RPL29: variants seen among roughly 807,000 people sequenced by gnomAD.
RPL29 encodes large ribosomal subunit protein eL29.
Under a neutral mutation model 7.2 loss-of-function variants are expected in RPL29, and 4 were observed. That is an observed-to-expected ratio of 0.55 (90% CI 0.27 to 1.26). The LOEUF is 1.26. Among genes scored for constraint, RPL29 ranks in the 50% most tolerant of loss-of-function variants. The pLI, the probability that RPL29 is intolerant of heterozygous loss-of-function variation, is 0.11. For synonymous variants in RPL29, 73 were observed against 72.8 expected (o/e 1.00, Z -0.01); for missense variants, 148 against 209.1 (o/e 0.71, Z 1.80).
intron 1 of RPL29, 87 bp from the exon 2 acceptor site, chr3:51,995,556 A>G: frequency 7.6e-7 from 1 of 1,320,116 alleles, no homozygotes; most frequent in Non-Finnish European, 1.1e-6. Flanking sequence ...ATGAGCCTGC[A>G]GGCAGAGAAT....
intron 1 of RPL29, 69 bp from the exon 2 acceptor site, chr3:51,995,538 T>A (rs1701303184): frequency 6.2e-6 from 9 of 1,453,898 alleles, no homozygotes; most frequent in African/African-American, 1.4e-5. Flanking sequence ...CCCCCCATTC[T>A]GGTCAGAATG....
chr3:51,995,392 G>T (rs553663601), intron 2 of RPL29, 33 bp downstream of exon 2: 1 of 1,613,210 alleles, frequency 6.2e-7, no homozygotes, highest in East Asian at 2.2e-5. Flanking sequence ...CCTTGCCAGG[G>T]TCTGGGATGT....
rs139597551 is a variant in RPL29, at chr3:51,993,870, C to T, written c.359G>A (p.Arg120Gln). The change falls in exon 4 of 4, where the codon CGG becomes CAG. Residue 120 changes from arginine to glutamine, a missense_variant. Physicochemically the swap from Arg to Gln is conservative, Grantham distance 43. Coordinates refer to ENST00000294189, the MANE Select transcript of RPL29 (RefSeq NM_000992.3). ...CTTGGCCTTGGCCTTGGCCTTTGGC[C>T]GGCACAGCCTGAGCCCCTTGGCAAT... Reference protein sequence around the residue: ...ARIAKGLRLCRPKAKAKAKAK... With the variant: ...ARIAKGLRLCQPKAKAKAKAK... 73 of 1,486,056 alleles carry T rather than the reference C, an allele frequency of 4.9e-5. No homozygotes were observed. Among genetic ancestry groups the T allele is most frequent in the Middle Eastern group, 2.3e-4 (1 of 4,308 alleles). The allele number at this position is 1,486,056 out of a possible 1,614,324, so 92.1% of individuals were successfully genotyped here. A position where few individuals can be genotyped will look rare whatever the true frequency, so the allele number is the denominator to read the frequency against.
At chr3:51,995,393 T>A in intron 2 of RPL29, 32 bp downstream of exon 2, 5 of 1,613,136 alleles carry the variant, frequency 3.1e-6, no homozygotes, top group Non-Finnish European at 4.2e-6. Context: ...CTTGCCAGGG[T>A]CTGGGATGTA....
chr3:51,995,742 C>T, intron 1 of RPL29, 115 bp downstream of exon 1: 1 of 456,720 alleles, frequency 2.2e-6, no homozygotes, highest in Non-Finnish European at 4.0e-6. Flanking sequence ...ATTCCCACCC[C>T]GCAGCTTTTG....
chr3:51,994,306 A>G (rs1701288030), intron 3 of RPL29, 180 bp from the exon 4 acceptor site: 1 of 739,680 alleles, frequency 1.4e-6, no homozygotes, highest in Non-Finnish European at 2.1e-6. Context: ...GGGAGCCAAT[A>G]CGCCACCTGG....
Position 51,994,036 on chromosome 3 carries a change from T to C in RPL29, c.193A>G (p.Met65Val), listed in dbSNP as rs753329370. 5.6e-6 allele frequency: 9 copies of C among 1,600,246 alleles called. No individual in the cohort carries two copies. The South Asian group carries it at 6.6e-5, about 12-fold the overall frequency. Residue 65 changes from methionine (M) to valine (V), a missense_variant, in exon 4 of 4, where the codon ATG becomes GTG. Coordinates refer to ENST00000294189, the MANE Select transcript of RPL29 (RefSeq NM_000992.3). ...TTGATAGCCTCGGCACGTGCACTCATGGCCTTGGCATTGTTGGCCTGCATC... is the reference window on the plus strand; with the variant it reads ...TTGATAGCCTCGGCACGTGCACTCACGGCCTTGGCATTGTTGGCCTGCATC... Reference protein sequence around the residue: ...KKMQANNAKAMSARAEAIKAL... With the variant: ...KKMQANNAKAVSARAEAIKAL...
rs761936768 is a variant in RPL29 at position 51,993,764 on chromosome 3, T to C, written c.465A>G (p.Thr155=). 2.1e-5 allele frequency: 33 copies of C among 1,593,252 alleles called. No individual in the cohort carries two copies. The highest frequency in any genetic ancestry group is 5.0e-5 in the Admixed American group (3 of 59,640). Residue 155 remains threonine, a synonymous_variant, in exon 4 of 4, where the codon ACA becomes ACG. Transcript: ENST00000294189. ...AQAPKRTQAP[T]KASE ...GCAGAGATATCTACTCTGAAGCCTT[T>C]GTAGGGGCCTGGGTACGTTTGGGAG... is the stretch of plus-strand genomic sequence containing the variant.
At chr3:51,994,413 T>G (rs537857030) in intron 3 of RPL29, 18 of 398,676 alleles carry the variant, frequency 4.5e-5, no homozygotes, top group Middle Eastern at 6.8e-4. Context: ...ACAGCAGGGG[T>G]TCGACCAAGT....
Position 51,995,413 on chromosome 3 carries a change from C to CA in RPL29, c.37+11dup, listed in dbSNP as rs1559785419. The CA allele has an allele frequency of 6.2e-7, 1 of 1,614,142 alleles. No individual in the cohort carries two copies. The highest frequency in any genetic ancestry group is 1.1e-5 in the South Asian group (1 of 91,088). ...CAGGGTCTGGGATGTAGGCAGGGCC[C>CA]AAAAAACTTACACTGGTTGTGTGTG... On this transcript the variant is annotated intron_variant, in intron 2 of 3. Transcript: ENST00000294189.
At chr3:51,995,305 C>G in intron 2 of RPL29, 120 bp downstream of exon 2, 1 of 1,182,202 alleles carries the variant, frequency 8.5e-7, no homozygotes, top group Non-Finnish European at 1.3e-6. Flanking sequence ...AAAGTTATTA[C>G]TGGGTGAAAT....
chr3:51,994,647 T>C (rs781200070), intron 3 of RPL29: 27 of 556,400 alleles, frequency 4.9e-5, no homozygotes, highest in Non-Finnish European at 7.7e-5. Context: ...TCTCAGCTAA[T>C]CCTTAGAACC....
In RPL29 at chr3:51,993,936, T is replaced by C; in HGVS notation, c.293A>G (p.Tyr98Cys). Residue 98 changes from tyrosine (Y) to cysteine (C), a missense_variant, in exon 4 of 4, where the codon TAC becomes TGC. By Grantham distance (194) the Tyr-to-Cys change is radical. Coordinates refer to ENST00000294189, the MANE Select transcript of RPL29 (RefSeq NM_000992.3). ...CTTCCCAAGCTTGGGGTGGGCAATG[T>C]AGGCAAGTCGATCGAGCTTGCGGCT... ...GVSRKLDRLA[Y>C]IAHPKLGKRA... 6.3e-7 allele frequency: 1 copy of C among 1,596,598 alleles called. No individual in the cohort carries two copies. The highest frequency in any genetic ancestry group is 8.5e-7 in the Non-Finnish European group (1 of 1,179,778).
In RPL29 at chr3:51,993,687, T is replaced by C; in HGVS notation, c.*62A>G. 1 of 1,490,096 alleles carries C rather than the reference T, an allele frequency of 6.7e-7. No homozygotes were observed. Among genetic ancestry groups the C allele is most frequent in the Non-Finnish European group, 9.0e-7 (1 of 1,116,956 alleles). 92.3% of individuals were successfully genotyped at this position (1,490,096 alleles called of 1,614,324 possible). On this transcript the variant is annotated 3_prime_UTR_variant, in exon 4 of 4. Transcript: ENST00000294189. ...GAGGACCCCAGCCCCATGCAGATGGTAGCCCAGGGGCGGGGGTGGGGGGTC... is the reference window on the plus strand; with the variant it reads ...GAGGACCCCAGCCCCATGCAGATGGCAGCCCAGGGGCGGGGGTGGGGGGTC...
intron 3 of RPL29, 47 bp downstream of exon 3, chr3:51,994,995 C>T: frequency 3.9e-6 from 6 of 1,526,256 alleles, no homozygotes; most frequent in Non-Finnish European, 5.5e-6. Context: ...CTTGACTGTG[C>T]ACCTGGAACC....
intron 2 of RPL29, 65 bp downstream of exon 2, chr3:51,995,360 G>A (rs190552580): frequency 1.3e-6 from 2 of 1,550,732 alleles, no homozygotes; most frequent in Admixed American, 1.7e-5. Context: ...CTTCATCTCT[G>A]TCCCAGTTTG....
chr3:51,993,894 A>G lies in RPL29; in HGVS notation c.335T>C (p.Ile112Thr). 2 of 1,596,476 alleles carry G rather than the reference A, an allele frequency of 1.3e-6. No individual in the cohort carries two copies. Among genetic ancestry groups the G allele is most frequent in the South Asian group, 2.2e-5 (2 of 90,994 alleles). ...PKLGKRARAR[I>T]AKGLRLCRPK... ...CCGGCACAGCCTGAGCCCCTTGGCA[A>G]TACGGGCACGAGCACGCTTCCCAAG... The change falls in exon 4 of 4, where the codon ATT (isoleucine) becomes ACT (threonine). Residue 112 changes from isoleucine to threonine, a missense_variant. Coordinates refer to ENST00000294189, the MANE Select transcript of RPL29 (RefSeq NM_000992.3).
At chr3:51,994,747 C>T (rs1399768324) in intron 3 of RPL29, 4 of 690,084 alleles carry the variant, frequency 5.8e-6, no homozygotes, top group African/African-American at 5.3e-5. Flanking sequence ...GTGCCCTGCA[C>T]GCACTCAGAC....
chr3:51,995,133 C>T (rs1248857570), intron 2 of RPL29, 27 bp from the exon 3 acceptor site: 1 of 1,590,304 alleles, frequency 6.3e-7, no homozygotes, highest in South Asian at 1.1e-5. Context: ...GGGAATTAAG[C>T]CAACAAAGAA....
Sources: allele counts gnomAD v4.1 joint callset, GRCh38; gene constraint gnomAD v4.1.1; transcripts MANE v1.5; gene names NCBI Gene and HGNC (gene_info 2026-07-23, HGNC 2026-07-21).